Variants in ZDHHC21 observed in about 807,000 individuals in gnomAD.
ZDHHC21 encodes the protein palmitoyltransferase ZDHHC21.
Under a neutral mutation model 34.6 loss-of-function variants are expected in ZDHHC21, and 15 were observed. That is an observed-to-expected ratio of 0.43 (90% CI 0.29 to 0.67). The LOEUF is 0.67. Among genes scored for constraint, ZDHHC21 ranks in the 30% least tolerant of loss-of-function variants. ZDHHC21 has a pLI of 0.14. For synonymous variants in ZDHHC21, 142 were observed against 101.8 expected, an observed-to-expected ratio of 1.40 and a Z score of -2.38; for missense variants, 344 against 327.7, an observed-to-expected ratio of 1.05 and a Z score of -0.38.
chr9:14,683,742 C>G (rs1278099923), intron 2 of ZDHHC21: 1 of 152,022 alleles, frequency 6.6e-6, no homozygotes, highest in Non-Finnish European at 1.5e-5. Context: ...GGCAGAGACG[C>G]AACAAAAAAA....
Position 14,614,226 on chromosome 9 carries a change from T to C in ZDHHC21, c.*4740A>G, listed in dbSNP as rs1244714210. On this transcript the variant is annotated 3_prime_UTR_variant, in exon 10 of 10. Transcript: ENST00000380916. ...TCACTACTCATTTGTACCTATTCTC[T>C]AGGGTGGACAAGGCAAAAAGAACAT... The C allele has an allele frequency of 6.6e-6, 1 of 151,752 alleles. No individual in the cohort carries two copies. The highest frequency in any genetic ancestry group is 1.5e-5 in the Non-Finnish European group (1 of 67,766). 9.4% of individuals were successfully genotyped at this position (151,752 alleles called of 1,614,324 possible).
In ZDHHC21 at chr9:14,684,618, C is replaced by G. The variant is rs920945324; in HGVS notation, c.-175-4456G>C. Among the ~76,000 whole-genome samples the G allele has an allele frequency of 4.6e-5, 7 of 151,862 alleles. No homozygotes were observed. In the East Asian group the frequency reaches 7.7e-4, roughly 17 times the overall value. Reference sequence around the variant, plus strand: ...GGAAGAATCAATATCATGAAAATGGCCATACTGCCCAAGGTAATTTACAGA... The same window carrying G: ...GGAAGAATCAATATCATGAAAATGGGCATACTGCCCAAGGTAATTTACAGA... On this transcript the variant is annotated intron_variant, in intron 2 of 9. Coordinates refer to ENST00000380916, the MANE Select transcript of ZDHHC21 (RefSeq NM_178566.6).
rs537449920 is a variant in ZDHHC21, at chr9:14,693,244, G to C, written c.-240C>G. On this transcript the variant is annotated 5_prime_UTR_variant, in exon 1 of 10. Transcript: ENST00000380916. ...GCACACTCACCGTCGCCGCTGGCTC[G>C]CCTCTCGCTGCCGCCGCTCTCCCGA... 5 of 410,362 alleles carry C rather than the reference G, an allele frequency of 1.2e-5. No individual in the cohort carries two copies. Among genetic ancestry groups the C allele is most frequent in the African/African-American group, 8.8e-5 (4 of 45,496 alleles). 25.4% of individuals were successfully genotyped at this position (410,362 alleles called of 1,614,324 possible). A position where few individuals can be genotyped will look rare whatever the true frequency, so the allele number is the denominator to read the frequency against.
intron 7 of ZDHHC21, among the ~76,000 whole-genome samples, chr9:14,657,166 T>A (rs112266437): frequency 1.3e-5 from 2 of 152,066 alleles, no homozygotes; most frequent in African/African-American, 4.8e-5. Context: ...TGGAATTTCC[T>A]TAGTTGGTCA....
downstream of ZDHHC21, among the ~76,000 whole-genome samples, chr9:14,610,428 T>C (rs73644808): frequency 0.026 from 3,909 of 152,114 alleles, 103 homozygotes; most frequent in African/African-American, 0.062. Flanking sequence ...AAATTTATAG[T>C]TTTATTTGCA....
chr9:14,601,414 A>G, the ZDHHC21 span, among the ~76,000 whole-genome samples: 1 of 151,800 alleles, frequency 6.6e-6, no homozygotes, highest in Non-Finnish European at 1.5e-5. Context: ...ATCACTGGTC[A>G]TTAGAGAAAT....
rs200995546 is a variant in ZDHHC21, at chr9:14,685,073, C to A, written c.-175-4911G>T. Among the ~76,000 whole-genome samples the A allele has an allele frequency of 6.1e-4, 93 of 151,962 alleles. 1 individual carries two copies. The highest frequency in any genetic ancestry group is 5.0e-3 in the Admixed American group (76 of 15,252). ...TAATTCAAGATGGATTAAAGACTTA[C>A]ATGTTAGACCTAAAACCATAAAAAC... On this transcript the variant is annotated intron_variant, in intron 2 of 9. Coordinates refer to ENST00000380916, the MANE Select transcript of ZDHHC21 (RefSeq NM_178566.6).
At chr9:14,605,251 G>C in the ZDHHC21 span, among the ~76,000 whole-genome samples, 3 of 150,110 alleles carry the variant, frequency 2.0e-5, no homozygotes, top group African/African-American at 7.4e-5. Flanking sequence ...GAATCATATA[G>C]CATTTCTAAT....
intron 8 of ZDHHC21, among the ~76,000 whole-genome samples, chr9:14,625,526 T>C (rs1826050263): frequency 6.6e-6 from 1 of 152,020 alleles, no homozygotes; most frequent in African/African-American, 2.4e-5. Flanking sequence ...TATACCTCCA[T>C]TTCCAAATAA....
At chr9:14,647,755 T>C (rs1297785846) in intron 7 of ZDHHC21, among the ~76,000 whole-genome samples, 1 of 152,136 alleles carries the variant, frequency 6.6e-6, no homozygotes, top group Non-Finnish European at 1.5e-5. Flanking sequence ...CCTTTCTTAT[T>C]ACCTTTCGTC....
intron 5 of ZDHHC21, among the ~76,000 whole-genome samples, chr9:14,663,230 T>A (rs909383130): frequency 6.6e-6 from 1 of 152,196 alleles, no homozygotes; most frequent in Non-Finnish European, 1.5e-5. Context: ...AATTTTTCTT[T>A]TACAAAATTC....
At chr9:14,648,426 G>A (rs1182028329) in intron 7 of ZDHHC21, among the ~76,000 whole-genome samples, 1 of 151,862 alleles carries the variant, frequency 6.6e-6, no homozygotes, top group African/African-American at 2.4e-5. Context: ...TCCAATCACA[G>A]CCCTTACTAC....
At chr9:14,597,057 G>A in the ZDHHC21 span, among the ~76,000 whole-genome samples, 2 of 152,168 alleles carry the variant, frequency 1.3e-5, no homozygotes, top group Admixed American at 6.5e-5. Flanking sequence ...AGCCAAGGTA[G>A]AGCCCCTCAG....
At position 14,681,077 on chromosome 9, in the gene ZDHHC21, A is replaced by T. The variant is rs186012841; in HGVS notation, c.-175-915T>A. Reference sequence around the variant, plus strand: ...GAATCACTGCATACAGAATGGGGTAAGATGTTCATCCTTTTGACCACAACC... The same window carrying T: ...GAATCACTGCATACAGAATGGGGTATGATGTTCATCCTTTTGACCACAACC... On this transcript the variant is annotated intron_variant, in intron 2 of 9. Transcript: ENST00000380916. Among the ~76,000 whole-genome samples, 286 of 152,316 alleles carry T rather than the reference A, an allele frequency of 1.9e-3. 5 individuals are homozygous for T. The highest frequency in any genetic ancestry group is 6.5e-3 in the African/African-American group (271 of 41,572).
chr9:14,690,475 G>A, intron 1 of ZDHHC21, 90 bp from the exon 2 acceptor site: 1 of 405,374 alleles, frequency 2.5e-6, no homozygotes, highest in South Asian at 1.8e-5. Flanking sequence ...AAATTCACCA[G>A]TGAATGGTAA....
At position 14,616,978 on chromosome 9, in the gene ZDHHC21, T is replaced by C. The variant is rs944582791; in HGVS notation, c.*1988A>G. On this transcript the variant is annotated 3_prime_UTR_variant, in exon 10 of 10. Transcript: ENST00000380916. ...CTGCCCAGTACCCACTGCTACTACATGAAGTATAAATTAGCCACAAAGTTC... is the reference window on the plus strand; with the variant it reads ...CTGCCCAGTACCCACTGCTACTACACGAAGTATAAATTAGCCACAAAGTTC... 1 of 152,010 alleles carries C rather than the reference T, an allele frequency of 6.6e-6. No homozygotes were observed. The highest frequency in any genetic ancestry group is 1.9e-4 in the East Asian group (1 of 5,148). 9.4% of individuals were successfully genotyped at this position (152,010 alleles called of 1,614,324 possible). A position where few individuals can be genotyped will look rare whatever the true frequency, so the allele number is the denominator to read the frequency against.
chr9:14,595,932 C>A, the ZDHHC21 span, among the ~76,000 whole-genome samples: 2 of 152,186 alleles, frequency 1.3e-5, no homozygotes, highest in African/African-American at 4.8e-5. Flanking sequence ...ATACCAAGTA[C>A]TGGAAAAGAC....
intron 2 of ZDHHC21, chr9:14,683,632 G>A (rs1411375685): frequency 6.6e-6 from 1 of 152,188 alleles, no homozygotes; most frequent in Non-Finnish European, 1.5e-5. Flanking sequence ...ACAAGGAGGA[G>A]CTGGTACCAT....
chr9:14,633,749 A>G (rs1418071552), intron 8 of ZDHHC21, among the ~76,000 whole-genome samples: 1 of 152,074 alleles, frequency 6.6e-6, no homozygotes, highest in Non-Finnish European at 1.5e-5. Context: ...CCCCAATGTC[A>G]AACCCCCACC....
Sources: allele counts gnomAD v4.1 joint callset (sites outside exome capture counted in the v4.1 genomes callset), GRCh38; gene constraint gnomAD v4.1.1; transcripts MANE v1.5; gene names NCBI Gene and HGNC (gene_info 2026-07-23, HGNC 2026-07-21).